The following PDS5B variants were observed in gnomAD, a reference collection of about 807,000 sequenced individuals.
The protein encoded by PDS5B is sister chromatid cohesion protein PDS5 homolog B.
PDS5B carries 51 observed loss-of-function variants against 184.1 expected under a neutral mutation model. That is an observed-to-expected ratio of 0.28 (90% CI 0.22 to 0.35). PDS5B has a LOEUF of 0.35. Among genes scored for constraint, PDS5B ranks in the 10% least tolerant of loss-of-function variants. PDS5B has a pLI of 1.00. For synonymous variants in PDS5B, 566 were observed against 569.2 expected, an observed-to-expected ratio of 0.99 and a Z score of 0.08; for missense variants, 1,180 against 1,723.3, an observed-to-expected ratio of 0.68 and a Z score of 5.58.
chr13:32,688,634 G>T (rs1475392793), intron 13 of PDS5B, 65 bp downstream of exon 13: 2 of 948,502 alleles, frequency 2.1e-6, no homozygotes, highest in Admixed American at 1.7e-5. Flanking sequence ...TTATGGAAAA[G>T]AAACTACAAA....
Position 32,770,242 on chromosome 13 carries a change from G to T in PDS5B, c.3746G>T (p.Ser1249Ile). 1 of 1,614,042 alleles carries T rather than the reference G, an allele frequency of 6.2e-7. No homozygotes were observed. Residue 1249 changes from serine to isoleucine, a missense_variant, in exon 32 of 35, where the codon AGT becomes ATT. Physicochemically the swap from Ser to Ile is moderately radical, Grantham distance 142. Coordinates refer to ENST00000315596, the MANE Select transcript of PDS5B (RefSeq NM_015032.4). The stretch of plus-strand genomic sequence containing the variant: ...CAGAAACCTAAAGGCAGTCAGCGAA[G>T]TCGGAAAAGAGGCCATACGGCTTCA... Reference protein sequence around the residue: ...QEQKPKGSQRSRKRGHTASES... With the variant: ...QEQKPKGSQRIRKRGHTASES...
At chr13:32,680,714 AGATCCAGAAGTTCTTGTT>A (rs1364253921) in intron 10 of PDS5B, among the ~76,000 whole-genome samples, 1 of 152,194 alleles carries the variant, frequency 6.6e-6, no homozygotes, top group Non-Finnish European at 1.5e-5. Context: ...CCTTGTTTTA[AGATCCAGAAGTTCTTGTT>A]GCTAGTTCCT....
Position 32,773,329 on chromosome 13 carries a change from G to A in PDS5B, c.4308+5G>A. On this transcript the variant is annotated splice_donor_5th_base_variant and intron_variant, in intron 34 of 34. Transcript: ENST00000315596. ...GAGGAAGTTTCTACAGTAAATGTATGTGTTCAAAGTTTCTGTGAGTGGTGT... is the reference window on the plus strand; with the variant it reads ...GAGGAAGTTTCTACAGTAAATGTATATGTTCAAAGTTTCTGTGAGTGGTGT... 1 of 1,605,858 alleles carries A rather than the reference G, an allele frequency of 6.2e-7. No homozygotes were observed. The highest frequency in any genetic ancestry group is 1.1e-5 in the South Asian group (1 of 89,274).
In PDS5B at chr13:32,690,882, A is replaced by G. The variant is rs182188575; in HGVS notation, c.1469+2313A>G. ...GATAAAATATTTAGGGTACATATAT[A>G]TCATTTTTTAGATGATTTTCATTTT... On this transcript the variant is annotated intron_variant, in intron 13 of 34. Transcript: ENST00000315596. The G allele has an allele frequency of 3.7e-4, 57 of 152,248 alleles. 1 individual carries two copies. Among genetic ancestry groups the G allele is most frequent in the Admixed American group, 3.4e-3 (52 of 15,290 alleles). The allele number at this position is 152,248 out of a possible 1,614,324, so 9.4% of individuals were successfully genotyped here.
At chr13:32,686,118 T>A (rs919373984) in intron 11 of PDS5B, among the ~76,000 whole-genome samples, 1 of 152,158 alleles carries the variant, frequency 6.6e-6, no homozygotes, top group Non-Finnish European at 1.5e-5. Context: ...AAATTAATAA[T>A]CTCTGCAGAT....
At chr13:32,589,511 T>G (rs1314692841) in intron 1 of PDS5B, among the ~76,000 whole-genome samples, 2 of 152,226 alleles carry the variant, frequency 1.3e-5, no homozygotes, top group African/African-American at 4.8e-5. Context: ...CGTCTTTCTT[T>G]ATGTAACATT....
At chr13:32,698,986 C>T (rs1951788942) in intron 15 of PDS5B, among the ~76,000 whole-genome samples, 1 of 152,150 alleles carries the variant, frequency 6.6e-6, no homozygotes, top group Non-Finnish European at 1.5e-5. Flanking sequence ...AACTCCTGAC[C>T]TCGTGATCCT....
At chr13:32,774,779 G>A (rs568774305) in intron 34 of PDS5B, among the ~76,000 whole-genome samples, 15 of 152,252 alleles carry the variant, frequency 9.9e-5, no homozygotes, top group African/African-American at 2.4e-4. Context: ...AGATAGAAAA[G>A]TAAAATAATT....
At chr13:32,593,649 G>A (rs2057810726) in intron 1 of PDS5B, among the ~76,000 whole-genome samples, 2 of 152,170 alleles carry the variant, frequency 1.3e-5, no homozygotes, top group South Asian at 2.1e-4. Flanking sequence ...CCTCCATTCT[G>A]TATTCTTAAA....
At chr13:32,616,591 G>A (rs2058223365) in intron 1 of PDS5B, among the ~76,000 whole-genome samples, 1 of 152,098 alleles carries the variant, frequency 6.6e-6, no homozygotes, top group Non-Finnish European at 1.5e-5. Flanking sequence ...AGAAAATGTA[G>A]CCCGAGTTGC....
chr13:32,588,687 G>C lies in PDS5B; in HGVS notation c.-20+2094G>C, dbSNP rs150224084. 2.7e-4 allele frequency among the ~76,000 whole-genome samples: 41 copies of C among 152,314 alleles called. No homozygotes were observed. The East Asian group carries it at 6.9e-3, about 26-fold the overall frequency. ...CTCTCCCCTCTCCCCATATTAGAGA[G>C]AGATGTGGTGATGATAGTGATTGTT... On this transcript the variant is annotated intron_variant, in intron 1 of 34. Coordinates refer to ENST00000315596, the MANE Select transcript of PDS5B (RefSeq NM_015032.4).
At chr13:32,698,481 TTCTATAA>T (rs1951770469) in intron 15 of PDS5B, among the ~76,000 whole-genome samples, 1 of 152,204 alleles carries the variant, frequency 6.6e-6, no homozygotes, top group South Asian at 2.1e-4. Flanking sequence ...TCCATTTATC[TTCTATAA>T]GTGATCATGT....
At chr13:32,719,933 G>A (rs1952611748) in intron 19 of PDS5B, among the ~76,000 whole-genome samples, 2 of 152,082 alleles carry the variant, frequency 1.3e-5, no homozygotes. Flanking sequence ...TGGGATTACA[G>A]GCGTGTGCCA....
At position 32,765,988 on chromosome 13, in the gene PDS5B, G is replaced by A. The variant is rs188395063; in HGVS notation, c.3624+1394G>A. On this transcript the variant is annotated intron_variant, in intron 31 of 34. Transcript: ENST00000315596. ...TATTGGCTGTTTAAAATTTTCACAT[G>A]AGCAAAATTAAGAATTGATCACTTA... is the stretch of plus-strand genomic sequence containing the variant. Among the ~76,000 whole-genome samples, 23 of 152,322 alleles carry A rather than the reference G, an allele frequency of 1.5e-4. No homozygotes were observed. The East Asian group carries it at 4.2e-3, about 28-fold the overall frequency.
intron 1 of PDS5B, among the ~76,000 whole-genome samples, chr13:32,625,764 G>T (rs1050437624): frequency 6.8e-6 from 1 of 148,110 alleles, no homozygotes; most frequent in Non-Finnish European, 1.5e-5. Flanking sequence ...ACTGGGTTGT[G>T]TTGCAATAAA....
chr13:32,613,844 T>A (rs376947290), intron 1 of PDS5B, among the ~76,000 whole-genome samples: 2 of 152,242 alleles, frequency 1.3e-5, no homozygotes, highest in South Asian at 2.1e-4. Context: ...TCTCTGTTTT[T>A]GCCTCTAAGA....
intron 6 of PDS5B, among the ~76,000 whole-genome samples, chr13:32,659,491 T>C (rs956626729): frequency 6.6e-6 from 1 of 152,152 alleles, no homozygotes; most frequent in Non-Finnish European, 1.5e-5. Context: ...TGTAATAACA[T>C]ATTTGTTATA....
chr13:32,613,349 C>T (rs1463065047), intron 1 of PDS5B, among the ~76,000 whole-genome samples: 5 of 152,206 alleles, frequency 3.3e-5, no homozygotes, highest in Non-Finnish European at 4.4e-5. Context: ...ATCTTACATT[C>T]CCTCCAGCAG....
chr13:32,758,407 C>A, intron 27 of PDS5B, 127 bp from the exon 28 acceptor site: 2 of 1,027,548 alleles, frequency 1.9e-6, no homozygotes, highest in Non-Finnish European at 2.9e-6. Context: ...AGCTAAGATG[C>A]TTACACAGAC....
Sources: gnomAD v4.1 joint callset for allele counts (sites outside exome capture counted in the v4.1 genomes callset) on GRCh38, gnomAD v4.1.1 for gene constraint, MANE v1.5 for transcripts, NCBI Gene and HGNC (gene_info 2026-07-23, HGNC 2026-07-21) for gene names.